ABCC9: variants seen among roughly 807,000 people sequenced by gnomAD.
The protein encoded by ABCC9 is ATP-binding cassette sub-family C member 9.
ABCC9 carries 95 observed loss-of-function variants against 188.3 expected under a neutral mutation model. That is an observed-to-expected ratio of 0.50 (90% CI 0.43 to 0.60). ABCC9 has a LOEUF of 0.60. Among genes scored for constraint, ABCC9 ranks in the 20% least tolerant of loss-of-function variants. The pLI, the probability that ABCC9 is intolerant of heterozygous loss-of-function variation, is 0.00. For missense variants in ABCC9, 1,102 were observed against 1,876.3 expected (o/e 0.59, Z 7.62); for synonymous variants, 659 against 652.7 (o/e 1.01, Z -0.15).
At chr12:21,811,994 A>G (rs1942276559) in intron 36 of ABCC9, 55 bp downstream of exon 36, 15 of 1,283,970 alleles carry the variant, frequency 1.2e-5, no homozygotes, top group Non-Finnish European at 1.6e-5. Flanking sequence ...AAACCTTTCT[A>G]TGAGTCAAAG....
chr12:21,915,512 A>ATTTT (rs1254915972), intron 7 of ABCC9, among the ~76,000 whole-genome samples, 156 bp downstream of exon 7: 7 of 380 alleles, frequency 0.018, 2 homozygotes, highest in African/African-American at 0.035. Flanking sequence ...ATATATATAT[A>ATTTT]TATTTTTTTT....
chr12:21,812,181 C>T (rs746536344), intron 35 of ABCC9, 24 bp from the exon 36 acceptor site: 1 of 1,380,998 alleles, frequency 7.2e-7, no homozygotes, highest in Non-Finnish European at 1.0e-6. Context: ...ACAGAAGTTA[C>T]ACACACATAG....
rs367733410 is a variant in ABCC9 at position 21,895,359 on chromosome 12, A to T, written c.1619-44T>A. On this transcript the variant is annotated intron_variant, in intron 12 of 39. Coordinates refer to ENST00000261200, the MANE Select transcript of ABCC9 (RefSeq NM_020297.4). ...TGCATTAGTTTCATTGAACTGTGAA[A>T]ACATTTTCAGTAACTTTAATCATCT... is the stretch of plus-strand genomic sequence containing the variant. The T allele has an allele frequency of 5.2e-6, 8 of 1,530,612 alleles. No individual in the cohort carries two copies. In the African/African-American group the frequency reaches 8.2e-5, roughly 16 times the overall value. The allele number at this position is 1,530,612 out of a possible 1,614,324, so 94.8% of individuals were successfully genotyped here. A position where few individuals can be genotyped will look rare whatever the true frequency, so the allele number is the denominator to read the frequency against.
chr12:21,912,926 A>G lies in ABCC9; in HGVS notation c.957T>C (p.Ser319=), dbSNP rs768245158. ...TTTCATTCACACGCTGAACTATTCC[A>G]GAAATACAAAGAGGTCCAGCAAAAC... ...LLGFAGPLCI[S]GIVQRVNETQ... Residue 319 remains serine (S), a synonymous_variant, in exon 8 of 40, where the codon TCT becomes TCC. Transcript: ENST00000261200. 30 of 1,613,604 alleles carry G rather than the reference A, an allele frequency of 1.9e-5. No individual in the cohort carries two copies. Among genetic ancestry groups the G allele is most frequent in the Non-Finnish European group, 2.3e-5 (27 of 1,179,750 alleles).
chr12:21,925,440 G>C (rs1239523822), intron 5 of ABCC9: 1 of 697,618 alleles, frequency 1.4e-6, no homozygotes, highest in Non-Finnish European at 2.6e-6. Context: ...CATTATGCTA[G>C]AAACATACTC....
At chr12:21,841,595 G>A (rs907871632) in intron 29 of ABCC9, among the ~76,000 whole-genome samples, 1 of 151,850 alleles carries the variant, frequency 6.6e-6, no homozygotes, top group African/African-American at 2.4e-5. Context: ...CTGACCTCAC[G>A]ATCCGCCCGC....
At position 21,819,221 on chromosome 12, in the gene ABCC9, A is replaced by C. The variant is rs80074231; in HGVS notation, c.3670-970T>G. 9.1e-3 allele frequency among the ~76,000 whole-genome samples: 1,380 copies of C among 152,238 alleles called. 21 individuals are homozygous for C. Among genetic ancestry groups the C allele is most frequent in the African/African-American group, 0.032 (1,329 of 41,542 alleles). ...CATGTTAATGTGTCACACATCCCCA[A>C]AGCAGGTAGAATTTCAGATATGCTC... is the stretch of plus-strand genomic sequence containing the variant. On this transcript the variant is annotated intron_variant, in intron 31 of 39. Transcript: ENST00000261200.
At chr12:21,925,893 A>G (rs923639943) in intron 5 of ABCC9, 49 bp downstream of exon 5, 9 of 1,577,238 alleles carry the variant, frequency 5.7e-6, no homozygotes, top group East Asian at 2.2e-5. Flanking sequence ...CTTTGGGGGG[A>G]AAAACAAATA....
intron 38 of ABCC9, among the ~76,000 whole-genome samples, chr12:21,807,117 G>A (rs1941910844): frequency 6.6e-6 from 1 of 152,074 alleles, no homozygotes; most frequent in South Asian, 2.1e-4. Flanking sequence ...AAAAGTTGTG[G>A]CAAATTTATT....
intron 18 of ABCC9, among the ~76,000 whole-genome samples, chr12:21,864,839 G>A (rs1945703376): frequency 1.3e-5 from 2 of 152,064 alleles, no homozygotes; most frequent in South Asian, 4.1e-4. Context: ...TATTTCCAAG[G>A]CCTTCCAACC....
chr12:21,843,459 T>TG (rs1944490202), intron 28 of ABCC9, among the ~76,000 whole-genome samples: 1 of 152,222 alleles, frequency 6.6e-6, no homozygotes, highest in East Asian at 1.9e-4. Context: ...TGTACAGGAT[T>TG]GTTATGACTT....
chr12:21,922,757 T>C (rs1006523031), intron 5 of ABCC9, among the ~76,000 whole-genome samples: 4 of 149,036 alleles, frequency 2.7e-5, no homozygotes, highest in Non-Finnish European at 4.5e-5. Context: ...TTTTCTTTTT[T>C]TTTTTTTTTT....
At chr12:21,907,929 T>C (rs1797555171) in intron 11 of ABCC9, 148 bp downstream of exon 11, 2 of 964,676 alleles carry the variant, frequency 2.1e-6, no homozygotes, top group African/African-American at 1.7e-5. Context: ...TTTTGCAACA[T>C]GGAAAATACA....
At chr12:21,801,220 C>A in intron 39 of ABCC9, 39 bp from the exon 40 acceptor site, 1 of 1,612,414 alleles carries the variant, frequency 6.2e-7, no homozygotes. Flanking sequence ...TTACACATTT[C>A]AGGGCACACG....
At chr12:21,902,367 C>T (rs1269404421) in intron 12 of ABCC9, among the ~76,000 whole-genome samples, 2 of 152,082 alleles carry the variant, frequency 1.3e-5, no homozygotes, top group African/African-American at 4.8e-5. Context: ...AACGGACACC[C>T]TAACATCACA....
At chr12:21,872,524 C>A in intron 18 of ABCC9, 101 bp downstream of exon 18, 1 of 940,686 alleles carries the variant, frequency 1.1e-6, no homozygotes, top group Non-Finnish European at 1.7e-6. Flanking sequence ...TCTGCGTGGT[C>A]TTCAGAGTCA....
intron 2 of ABCC9, among the ~76,000 whole-genome samples, chr12:21,936,963 C>A (rs1949514217): frequency 6.6e-6 from 1 of 151,950 alleles, no homozygotes; most frequent in African/African-American, 2.4e-5. Flanking sequence ...TATAGTAGTA[C>A]CTCAAATGAG....
intron 18 of ABCC9, among the ~76,000 whole-genome samples, chr12:21,865,329 C>G (rs1482964103): frequency 6.6e-6 from 1 of 152,102 alleles, no homozygotes; most frequent in African/African-American, 2.4e-5. Context: ...ATCATTTTCA[C>G]TACTGCACAC....
chr12:21,871,144 G>A (rs906762710), intron 18 of ABCC9, among the ~76,000 whole-genome samples: 2 of 152,170 alleles, frequency 1.3e-5, no homozygotes, highest in African/African-American at 4.8e-5. Context: ...AATTATGGTT[G>A]TACAAGCTAC....
Sources: allele counts gnomAD v4.1 joint callset (sites outside exome capture counted in the v4.1 genomes callset), GRCh38; gene constraint gnomAD v4.1.1; transcripts MANE v1.5; gene names NCBI Gene and HGNC (gene_info 2026-07-23, HGNC 2026-07-21).